SLC39A11: variants seen among roughly 807,000 people sequenced by gnomAD.
The protein encoded by SLC39A11 is zinc transporter ZIP11.
In SLC39A11, 33 loss-of-function variants were observed where a neutral mutation model predicts 36.1. The observed-to-expected ratio is 0.91, with a 90% CI of 0.69 to 1.22. The LOEUF is 1.22. Among genes scored for constraint, SLC39A11 ranks in the 50% most tolerant of loss-of-function variants. The pLI, the probability that SLC39A11 is intolerant of heterozygous loss-of-function variation, is 0.00. For missense variants in SLC39A11, 432 were observed against 430.3 expected, an observed-to-expected ratio of 1.00 and a Z score of -0.03; for synonymous variants, 166 against 170.3, an observed-to-expected ratio of 0.97 and a Z score of 0.20.
intron 7 of SLC39A11, among the ~76,000 whole-genome samples, chr17:72,726,418 G>A (rs549291550): frequency 1.3e-5 from 2 of 152,280 alleles, no homozygotes; most frequent in African/African-American, 4.8e-5. Flanking sequence ...GGCTGAGGAG[G>A]GAGGATTATT....
In SLC39A11 at chr17:72,906,367, G is replaced by A. The variant is rs1158644937; in HGVS notation, c.430+41385C>T. ...CAGGATTGAGAGACGTGGGCACCAC[G>A]GGTGAGAAGGACACCTGTGCCTTTG... On this transcript the variant is annotated intron_variant, in intron 5 of 9. Coordinates refer to ENST00000255559, the MANE Select transcript of SLC39A11 (RefSeq NM_139177.4). 3.3e-5 allele frequency among the ~76,000 whole-genome samples: 5 copies of A among 152,268 alleles called. No individual in the cohort carries two copies. In the East Asian group the frequency reaches 5.8e-4, roughly 18 times the overall value.
At chr17:72,880,400 C>G (rs79903990) in intron 5 of SLC39A11, among the ~76,000 whole-genome samples, 1 of 151,936 alleles carries the variant, frequency 6.6e-6, no homozygotes, top group Non-Finnish European at 1.5e-5. Flanking sequence ...GAAACCCTGT[C>G]TCTACTCCCC....
chr17:72,861,856 T>C (rs2080056785), intron 5 of SLC39A11, among the ~76,000 whole-genome samples: 3 of 148,754 alleles, frequency 2.0e-5, no homozygotes, highest in Admixed American at 1.4e-4. Flanking sequence ...TATATATATA[T>C]GACTTTTAGA....
rs149621532 is a variant in SLC39A11 at position 72,759,744 on chromosome 17, T to C, written c.602-23025A>G. Among the ~76,000 whole-genome samples, 12 of 152,114 alleles carry C rather than the reference T, an allele frequency of 7.9e-5. No homozygotes were observed. In the East Asian group the frequency reaches 2.3e-3, roughly 29 times the overall value. On this transcript the variant is annotated intron_variant, in intron 6 of 9. Coordinates refer to ENST00000255559, the MANE Select transcript of SLC39A11 (RefSeq NM_139177.4). ...TAATATACTTGATATAAACAAGACA[T>C]AGAATTCTCATGGGTGGAAAATGAG...
At chr17:73,033,639 T>G (rs59814811) in intron 3 of SLC39A11, among the ~76,000 whole-genome samples, 17,590 of 152,184 alleles carry the variant, frequency 0.12, 1,197 homozygotes, top group Middle Eastern at 0.17. Flanking sequence ...TGTTTACTCT[T>G]ACAGATGCTA....
intron 6 of SLC39A11, among the ~76,000 whole-genome samples, chr17:72,773,672 CA>C (rs2076029909): frequency 5.4e-5 from 8 of 148,920 alleles, no homozygotes; most frequent in Admixed American, 4.6e-4. Flanking sequence ...CACACACACA[CA>C]CACACCCAGT....
chr17:72,954,132 T>A (rs1294209175), intron 4 of SLC39A11, among the ~76,000 whole-genome samples: 2 of 152,156 alleles, frequency 1.3e-5, no homozygotes, highest in African/African-American at 4.8e-5. Flanking sequence ...CTGCAACCTC[T>A]GCCTCCCTAA....
In SLC39A11 at chr17:72,702,588, A is replaced by C. The variant is rs370924504; in HGVS notation, c.671+34062T>G. On this transcript the variant is annotated intron_variant, in intron 7 of 9. Transcript: ENST00000255559. ...AGTTCTAGCAGTCATATTTGCACAA[A>C]AGCAGGAAGGGTCCATGGGAGAGTA... Among the ~76,000 whole-genome samples, 4 of 152,272 alleles carry C rather than the reference A, an allele frequency of 2.6e-5. No homozygotes were observed. In the East Asian group the frequency reaches 7.7e-4, roughly 29 times the overall value.
At chr17:72,693,460 A>G (rs949014551) in intron 7 of SLC39A11, among the ~76,000 whole-genome samples, 1 of 152,250 alleles carries the variant, frequency 6.6e-6, no homozygotes, top group Non-Finnish European at 1.5e-5. Flanking sequence ...CTGGGCCAGG[A>G]GAGCTCAAAA....
intron 5 of SLC39A11, among the ~76,000 whole-genome samples, chr17:72,940,864 C>T (rs1489119944): frequency 1.3e-5 from 2 of 152,164 alleles, no homozygotes; most frequent in East Asian, 1.9e-4. Flanking sequence ...TGTTGAAGTC[C>T]TAACGCCCAG....
intron 5 of SLC39A11, among the ~76,000 whole-genome samples, chr17:72,932,456 C>T (rs1166786971): frequency 1.3e-5 from 2 of 148,392 alleles, no homozygotes; most frequent in Non-Finnish European, 3.0e-5. Context: ...CCCCACCCCC[C>T]ACAGGCCCCG....
At chr17:72,912,879 C>T (rs1487864829) in intron 5 of SLC39A11, among the ~76,000 whole-genome samples, 1 of 152,182 alleles carries the variant, frequency 6.6e-6, no homozygotes, top group East Asian at 1.9e-4. Context: ...TTCTCCCCAT[C>T]CCTCTTGCTC....
At chr17:73,045,568 T>G (rs1013721793) in intron 3 of SLC39A11, among the ~76,000 whole-genome samples, 6 of 152,144 alleles carry the variant, frequency 3.9e-5, no homozygotes, top group Non-Finnish European at 8.8e-5. Flanking sequence ...CTACACCTAA[T>G]GTAAGACTGC....
intron 6 of SLC39A11, among the ~76,000 whole-genome samples, chr17:72,783,129 A>G (rs866867620): frequency 6.7e-6 from 1 of 148,638 alleles, no homozygotes; most frequent in Non-Finnish European, 1.5e-5. Context: ...AAAGCAGATG[A>G]TTCTCACCAG....
intron 6 of SLC39A11, among the ~76,000 whole-genome samples, chr17:72,811,752 A>G (rs552249687): frequency 6.6e-6 from 1 of 152,320 alleles, no homozygotes; most frequent in Non-Finnish European, 1.5e-5. Context: ...TTTTTATTTA[A>G]CAAAAATATT....
chr17:72,822,255 TATAG>T (rs940388169), intron 6 of SLC39A11, among the ~76,000 whole-genome samples: 16 of 147,742 alleles, frequency 1.1e-4, no homozygotes, highest in Admixed American at 2.7e-4. Flanking sequence ...ACTATATATA[TATAG>T]AGAGAGAGAA....
chr17:72,808,226 G>A (rs2077324517), intron 6 of SLC39A11, among the ~76,000 whole-genome samples: 1 of 152,168 alleles, frequency 6.6e-6, no homozygotes, highest in Non-Finnish European at 1.5e-5. Context: ...GGGGGATTGG[G>A]CCTCCAGTCA....
rs371564223 is a variant in SLC39A11 at position 73,043,284 on chromosome 17, G to A, written c.148-11570C>T. Among the ~76,000 whole-genome samples the A allele has an allele frequency of 1.4e-3, 215 of 152,284 alleles. 2 individuals are homozygous for A. The highest frequency in any genetic ancestry group is 5.0e-3 in the African/African-American group (206 of 41,558). ...GCTTATGTTGTGGAGTCCACAAGGC[G>A]AAAGAAGGCAGGGAGGAGTTTACAA... On this transcript the variant is annotated intron_variant, in intron 3 of 9. Coordinates refer to ENST00000255559, the MANE Select transcript of SLC39A11 (RefSeq NM_139177.4).
At chr17:72,719,846 C>T (rs549434980) in intron 7 of SLC39A11, among the ~76,000 whole-genome samples, 5 of 152,196 alleles carry the variant, frequency 3.3e-5, no homozygotes, top group African/African-American at 1.2e-4. Context: ...AGGAAAGGGC[C>T]GCAGCATAAA....
Sources: allele counts gnomAD v4.1 joint callset (sites outside exome capture counted in the v4.1 genomes callset), GRCh38; gene constraint gnomAD v4.1.1; transcripts MANE v1.5; gene names NCBI Gene and HGNC (gene_info 2026-07-23, HGNC 2026-07-21).